Variants in ANK2 observed in about 807,000 individuals in gnomAD.
ANK2 encodes the protein ankyrin-2.
ANK2 carries 83 observed loss-of-function variants against 360.5 expected under a neutral mutation model. The ratio of observed to expected loss-of-function variants is 0.23; its 90% CI spans 0.19 to 0.28. The LOEUF (loss-of-function observed/expected upper bound fraction) is 0.28. Among genes scored for constraint, ANK2 ranks in the 10% least tolerant of loss-of-function variants. The pLI is 1.00. For missense variants in ANK2, 4,201 were observed against 4,795.7 expected (o/e 0.88, Z 3.66); for synonymous variants, 1,740 against 1,759.5 (o/e 0.99, Z 0.28).
intron 1 of ANK2, among the ~76,000 whole-genome samples, chr4:112,821,206 C>G (rs894613896): frequency 6.6e-6 from 1 of 152,076 alleles, no homozygotes; most frequent in Non-Finnish European, 1.5e-5. Context: ...TGAGCCACCC[C>G]GCCCGGCCCC....
intron 4 of ANK2, 142 bp from the exon 5 acceptor site, chr4:113,232,019 C>A: frequency 3.0e-6 from 2 of 658,422 alleles, no homozygotes; most frequent in South Asian, 1.6e-5. Context: ...GCGATTTTGT[C>A]TAGCTTTATA....
chr4:113,034,118 A>G (rs1483589946), intron 2 of ANK2: 1 of 151,978 alleles, frequency 6.6e-6, no homozygotes. Flanking sequence ...TGGGTTAAAT[A>G]TTGGAGTAGG....
chr4:113,220,425 G>A (rs760495281), intron 4 of ANK2, among the ~76,000 whole-genome samples: 16 of 152,126 alleles, frequency 1.1e-4, no homozygotes, highest in Non-Finnish European at 1.3e-4. Flanking sequence ...TCCTGGGTAG[G>A]CACCTACAAA....
At chr4:112,966,765 T>G (rs928524042) in intron 2 of ANK2, among the ~76,000 whole-genome samples, 1 of 152,214 alleles carries the variant, frequency 6.6e-6, no homozygotes, top group Non-Finnish European at 1.5e-5. Context: ...TAGGAAGTTG[T>G]TTTAAATGTT....
chr4:113,311,159 G>T, intron 23 of ANK2, 96 bp from the exon 24 acceptor site: 5 of 1,504,226 alleles, frequency 3.3e-6, no homozygotes, highest in Non-Finnish European at 4.6e-6. Flanking sequence ...TCAAGGTCAA[G>T]GTAATGATGT....
At chr4:113,328,414 G>A (rs2091151930) in intron 26 of ANK2, among the ~76,000 whole-genome samples, 1 of 151,928 alleles carries the variant, frequency 6.6e-6, no homozygotes, top group Admixed American at 6.6e-5. Context: ...ACAATAAAAT[G>A]GAAAGGAAAA....
At chr4:112,758,168 G>T in the ANK2 span, among the ~76,000 whole-genome samples, 7 of 151,842 alleles carry the variant, frequency 4.6e-5, no homozygotes, top group African/African-American at 1.7e-4. Context: ...TCCGAGTGCT[G>T]GGATTACAAG....
rs369756604 is a variant in ANK2, at chr4:113,373,111, C to T, written c.11632C>T (p.Pro3878Ser). The change falls in exon 44 of 46, where the codon CCC (proline) becomes TCC (serine). Residue 3878 changes from proline (P) to serine (S), a missense_variant. Physicochemically the swap from Pro to Ser is moderately conservative, Grantham distance 74. Coordinates refer to ENST00000357077, the MANE Select transcript of ANK2 (RefSeq NM_001148.6). The part of the protein sequence containing the change: ...FEKGDDMPEI[P>S]PETVTEEEYI... ...TTAGGGAGACGATATGCCTGAAATA[C>T]CCCCAGAAACAGTCACAGAAGAAGA... The T allele has an allele frequency of 6.2e-7, 1 of 1,614,008 alleles. No individual in the cohort carries two copies. The highest frequency in any genetic ancestry group is 8.5e-7 in the Non-Finnish European group (1 of 1,179,934).
At chr4:112,889,598 TA>T (rs1366292115) in intron 1 of ANK2, among the ~76,000 whole-genome samples, 1 of 152,088 alleles carries the variant, frequency 6.6e-6, no homozygotes, top group Non-Finnish European at 1.5e-5. Context: ...ATTATTTTCT[TA>T]AAAAATGTGA....
Position 113,357,959 on chromosome 4 carries a change from G to C in ANK2, c.9341G>C (p.Ser3114Thr), listed in dbSNP as rs750200654. The change falls in exon 38 of 46, where the codon AGT becomes ACT. Residue 3114 changes from serine to threonine, a missense_variant. This residue lies in a region of ANK2 where 2,642 missense variants were observed against 2,714.5 expected (regional missense o/e 0.97). Coordinates refer to ENST00000357077, the MANE Select transcript of ANK2 (RefSeq NM_001148.6). ...GGAAAATTGTTTGAAATGACCCGAA[G>C]TGGTGCCATTGATATGACCAAAAGG... Reference protein sequence around the residue: ...QEGKLFEMTRSGAIDMTKRSY... With the variant: ...QEGKLFEMTRTGAIDMTKRSY... 4 of 1,613,952 alleles carry C rather than the reference G, an allele frequency of 2.5e-6. No individual in the cohort carries two copies. Among genetic ancestry groups the C allele is most frequent in the Non-Finnish European group, 3.4e-6 (4 of 1,179,992 alleles).
chr4:112,837,744 G>C (rs2061305179), intron 1 of ANK2, among the ~76,000 whole-genome samples: 1 of 152,204 alleles, frequency 6.6e-6, no homozygotes, highest in South Asian at 2.1e-4. Context: ...GCTGGGTTTT[G>C]GATTTGCATG....
At chr4:113,014,290 TTAAG>T (rs1489667668) in intron 2 of ANK2, among the ~76,000 whole-genome samples, 3 of 152,226 alleles carry the variant, frequency 2.0e-5, no homozygotes, top group South Asian at 2.1e-4. Flanking sequence ...ATTTTGATAA[TTAAG>T]TATGTACTAG....
chr4:112,901,764 C>G (rs1043362607), intron 1 of ANK2, among the ~76,000 whole-genome samples: 1 of 151,606 alleles, frequency 6.6e-6, no homozygotes, highest in Non-Finnish European at 1.5e-5. Flanking sequence ...AGGAAGGAGG[C>G]TGAGGCAGGA....
chr4:112,919,753 T>G (rs72892439), intron 2 of ANK2, among the ~76,000 whole-genome samples: 9,304 of 152,222 alleles, frequency 0.061, 539 homozygotes, highest in African/African-American at 0.15. Flanking sequence ...AGCAAAGTGT[T>G]GCCAAACTAA....
At chr4:113,251,453 A>C (rs1445965651) in intron 10 of ANK2, among the ~76,000 whole-genome samples, 2 of 151,118 alleles carry the variant, frequency 1.3e-5, no homozygotes, top group South Asian at 2.1e-4. Flanking sequence ...CTAAGGCACC[A>C]TCAAGATGAA....
chr4:113,381,726 TA>T lies in ANK2; in HGVS notation c.*257del. The T allele has an allele frequency of 7.2e-7, 1 of 1,386,504 alleles. No homozygotes were observed. Among genetic ancestry groups the T allele is most frequent in the Non-Finnish European group, 9.8e-7 (1 of 1,020,028 alleles). 85.9% of individuals were successfully genotyped at this position (1,386,504 alleles called of 1,614,324 possible). A position where few individuals can be genotyped will look rare whatever the true frequency, so the allele number is the denominator to read the frequency against. On this transcript the variant is annotated 3_prime_UTR_variant, in exon 46 of 46. Coordinates refer to ENST00000357077, the MANE Select transcript of ANK2 (RefSeq NM_001148.6). ...CAGTAGGGGAGTGACCTAACTGGCC[TA>T]ATTAATGGGATACCCCGACATTTCC...
chr4:113,174,323 T>C, intron 1 of ANK2, 93 bp from the exon 2 acceptor site: 1 of 1,075,534 alleles, frequency 9.3e-7, no homozygotes, highest in Non-Finnish European at 1.4e-6. Flanking sequence ...ACTAAAGCTT[T>C]TCTGACTTCA....
the ANK2 span, among the ~76,000 whole-genome samples, chr4:112,799,412 G>T: frequency 1.4e-4 from 21 of 152,252 alleles, no homozygotes; most frequent in African/African-American, 5.1e-4. Flanking sequence ...TTCTAGGGTA[G>T]TGGCACCATT....
chr4:112,897,102 C>A (rs2081996734), intron 1 of ANK2, among the ~76,000 whole-genome samples: 1 of 152,146 alleles, frequency 6.6e-6, no homozygotes, highest in Admixed American at 6.6e-5. Context: ...GAAGCTCTTT[C>A]TCTGAGCTTC....
Sources: gnomAD v4.1 joint callset for allele counts (sites outside exome capture counted in the v4.1 genomes callset) on GRCh38, gnomAD v4.1.1 for gene constraint, gnomAD v4.1.1 regional missense constraint, MANE v1.5 for transcripts, NCBI Gene and HGNC (gene_info 2026-07-23, HGNC 2026-07-21) for gene names.